RETREG2: variants seen among roughly 807,000 people sequenced by gnomAD.
The protein encoded by RETREG2 is reticulophagy regulator family member 2.
A neutral mutation model predicts 51.6 loss-of-function variants in RETREG2; 21 were observed. The observed-to-expected ratio is 0.41, with a 90% CI of 0.29 to 0.59. The LOEUF is 0.59. RETREG2 is among the 20% of genes least tolerant of loss of function. The pLI, the probability that RETREG2 is intolerant of heterozygous loss-of-function variation, is 0.34. For missense variants in RETREG2, 674 were observed against 646.0 expected, an observed-to-expected ratio of 1.04 and a Z score of -0.47; for synonymous variants, 339 against 288.6, an observed-to-expected ratio of 1.17 and a Z score of -1.77.
chr2:219,184,736 T>C lies in RETREG2; in HGVS notation c.*2107T>C, dbSNP rs1950326105. Reference sequence around the variant, plus strand: ...CATTGACAATAGAACCAGAAGCTTGTAGCTGGATCAAAATATTCTCCATAG... The same window carrying C: ...CATTGACAATAGAACCAGAAGCTTGCAGCTGGATCAAAATATTCTCCATAG... On this transcript the variant is annotated 3_prime_UTR_variant, in exon 9 of 9. Coordinates refer to ENST00000430297, the MANE Select transcript of RETREG2 (RefSeq NM_024293.6). 1 of 152,114 alleles carries C rather than the reference T, an allele frequency of 6.6e-6. No homozygotes were observed. Among genetic ancestry groups the C allele is most frequent in the African/African-American group, 2.4e-5 (1 of 41,440 alleles). 9.4% of individuals were successfully genotyped at this position (152,114 alleles called of 1,614,324 possible).
chr2:219,183,231 T>A lies in RETREG2; in HGVS notation c.*602T>A, dbSNP rs1950308636. The A allele has an allele frequency of 6.4e-6, 1 of 157,146 alleles. No homozygotes were observed. Among genetic ancestry groups the A allele is most frequent in the Admixed American group, 6.1e-5 (1 of 16,468 alleles). 9.7% of individuals were successfully genotyped at this position (157,146 alleles called of 1,614,324 possible). A position where few individuals can be genotyped will look rare whatever the true frequency, so the allele number is the denominator to read the frequency against. On this transcript the variant is annotated 3_prime_UTR_variant, in exon 9 of 9. Transcript: ENST00000430297. ...TGGGTCAGGCCAGTAGTTACACTCT[T>A]AGGTCACTGTAGTCTGTGTAACCTT...
chr2:219,180,944 G>T, intron 5 of RETREG2, 118 bp from the exon 6 acceptor site: 1 of 1,456,884 alleles, frequency 6.9e-7, no homozygotes, highest in Non-Finnish European at 9.4e-7. Flanking sequence ...AGAAGAGGTT[G>T]GCACAGCCTT....
Position 219,182,115 on chromosome 2 carries a change from G to A in RETREG2, c.1118G>A (p.Gly373Asp). The A allele has an allele frequency of 6.2e-7, 1 of 1,614,154 alleles. No individual in the cohort carries two copies. ...CTGGCCCCTCCCGAAGACCTACTAG[G>A]CCGTCCTCAAGCTCTGTCAAGGCAA... ...GELAPPEDLL[G>D]RPQALSRQAL... The change falls in exon 9 of 9, where the codon GGC (glycine) becomes GAC (aspartate). Residue 373 changes from glycine (G) to aspartate (D), a missense_variant. By Grantham distance (94) the Gly-to-Asp change is moderately conservative. Coordinates refer to ENST00000430297, the MANE Select transcript of RETREG2 (RefSeq NM_024293.6).
At chr2:219,179,918 T>TGCGTGCCTGCTCC (rs1950252812) in intron 3 of RETREG2, 155 bp downstream of exon 3, 20 of 1,126,046 alleles carry the variant, frequency 1.8e-5, no homozygotes, top group Non-Finnish European at 2.7e-5. Flanking sequence ...TGTAGGTGTT[T>TGCGTGCCTGCTCC]GCGTGCCTGC....
In RETREG2 at chr2:219,181,286, ATCT is replaced by A. The variant is rs1489049799; in HGVS notation, c.785-79_785-77del. 9.3e-6 allele frequency: 15 copies of A among 1,606,582 alleles called. No individual in the cohort carries two copies. The Admixed American group carries it at 2.0e-4, about 21-fold the overall frequency. Reference sequence around the variant, plus strand: ...GTTCATGAGATGCCCTGGAATTGAGATCTTCTCCAGTTCTTTAGCTGTGTTTGT... The same window carrying A: ...GTTCATGAGATGCCCTGGAATTGAGATCTCCAGTTCTTTAGCTGTGTTTGT... On this transcript the variant is annotated intron_variant, in intron 6 of 8. Transcript: ENST00000430297.
In RETREG2 at chr2:219,182,317, T is replaced by C. The variant is rs1172238233; in HGVS notation, c.1320T>C (p.Gly440=). 5 of 1,614,010 alleles carry C rather than the reference T, an allele frequency of 3.1e-6. No homozygotes were observed. Among genetic ancestry groups the C allele is most frequent in the Non-Finnish European group, 4.2e-6 (5 of 1,179,964 alleles). ...CACTGAGCCCCGAGACAGTGAGTGG[T>C]GGCCTCACTGCTCTGCCCGGCACCC... The part of the protein sequence containing the change: ...VETLSPETVS[G]GLTALPGTLS... Residue 440 remains glycine, a synonymous_variant, in exon 9 of 9, where the codon GGT becomes GGC. Transcript: ENST00000430297.
intron 4 of RETREG2, 149 bp downstream of exon 4, chr2:219,180,394 C>A: frequency 8.9e-7 from 1 of 1,120,214 alleles, no homozygotes; most frequent in Non-Finnish European, 1.3e-6. Flanking sequence ...CACAGCTAAT[C>A]CCTGGTGCAG....
In RETREG2 at chr2:219,181,458, C is replaced by A. The variant is rs1479182710; in HGVS notation, c.874C>A (p.Pro292Thr). Residue 292 changes from proline (P) to threonine (T), a missense_variant, in exon 7 of 9, where the codon CCA (proline) becomes ACA (threonine). Transcript: ENST00000430297. ...CGAGGCAGAGCTGGCTGGCTTCTCC[C>A]CAGTGGTGAGGTCCAGGGAAAGCGG... ...ESEAELAGFSPVVDVKKTALA... is the reference protein window; with the variant it reads ...ESEAELAGFSTVVDVKKTALA... The A allele has an allele frequency of 1.9e-6, 3 of 1,613,984 alleles. No homozygotes were observed. The highest frequency in any genetic ancestry group is 2.5e-6 in the Non-Finnish European group (3 of 1,179,956).
rs752874791 is a variant in RETREG2, at chr2:219,181,195, C to A, written c.774C>A (p.His258Gln). The A allele has an allele frequency of 1.2e-6, 2 of 1,613,894 alleles. No homozygotes were observed. The highest frequency in any genetic ancestry group is 2.7e-5 in the African/African-American group (2 of 74,906). Reference sequence around the variant, plus strand: ...AAGCCAATGCCCTGCATCACAAACACGACAAGAGGAGTAAGGGGCTGCCCT... The same window carrying A: ...AAGCCAATGCCCTGCATCACAAACAAGACAAGAGGAGTAAGGGGCTGCCCT... ...KAEANALHHKHDKRKRQGKNA... is the reference protein window; with the variant it reads ...KAEANALHHKQDKRKRQGKNA... The change falls in exon 6 of 9, where the codon CAC (histidine) becomes CAA (glutamine). Residue 258 changes from histidine (H) to glutamine (Q), a missense_variant. Transcript: ENST00000430297.
Position 219,182,317 on chromosome 2 carries a change from T to A in RETREG2, c.1320T>A (p.Gly440=). 6.2e-7 allele frequency: 1 copy of A among 1,614,010 alleles called. No individual in the cohort carries two copies. The highest frequency in any genetic ancestry group is 8.5e-7 in the Non-Finnish European group (1 of 1,179,964). ...VETLSPETVS[G]GLTALPGTLS... is the part of the protein sequence containing the mutation. ...CACTGAGCCCCGAGACAGTGAGTGG[T>A]GGCCTCACTGCTCTGCCCGGCACCC... The change falls in exon 9 of 9, where the codon GGT becomes GGA. Residue 440 remains glycine, a synonymous_variant. Transcript: ENST00000430297.
Position 219,182,399 on chromosome 2 carries a change from C to A in RETREG2, c.1402C>A (p.Pro468Thr). ...SDPAPSPSILPPVPQDSPQPL... is the reference protein window; with the variant it reads ...SDPAPSPSILTPVPQDSPQPL... ...CCCAGCCCCCTCCCCTTCCATTCTCCCACCTGTTCCCCAGGACTCACCCCA... is the reference window on the plus strand; with the variant it reads ...CCCAGCCCCCTCCCCTTCCATTCTCACACCTGTTCCCCAGGACTCACCCCA... The change falls in exon 9 of 9, where the codon CCA (proline) becomes ACA (threonine). Residue 468 changes from proline (P) to threonine (T), a missense_variant. Pro to Thr is a conservative substitution (Grantham distance 38, BLOSUM62 -1). Coordinates refer to ENST00000430297, the MANE Select transcript of RETREG2 (RefSeq NM_024293.6). 1 of 1,614,112 alleles carries A rather than the reference C, an allele frequency of 6.2e-7. No individual in the cohort carries two copies. Among genetic ancestry groups the A allele is most frequent in the Non-Finnish European group, 8.5e-7 (1 of 1,180,006 alleles).
chr2:219,181,484 G>A, intron 7 of RETREG2, 21 bp downstream of exon 7: 1 of 1,613,042 alleles, frequency 6.2e-7, no homozygotes, highest in Non-Finnish European at 8.5e-7. Context: ...GGGAAAGCGG[G>A]GGTGTCAAAT....
At position 219,183,852 on chromosome 2, in the gene RETREG2, G is replaced by C. The variant is rs551064400; in HGVS notation, c.*1223G>C. 1 of 152,300 alleles carries C rather than the reference G, an allele frequency of 6.6e-6. No individual in the cohort carries two copies. Among genetic ancestry groups the C allele is most frequent in the African/African-American group, 2.4e-5 (1 of 41,552 alleles). 9.4% of individuals were successfully genotyped at this position (152,300 alleles called of 1,614,324 possible). ...CATCTACATGCTAACAACTCACTCAGCCTGGATTTATCTTTACTGGGGAAG... is the reference window on the plus strand; with the variant it reads ...CATCTACATGCTAACAACTCACTCACCCTGGATTTATCTTTACTGGGGAAG... On this transcript the variant is annotated 3_prime_UTR_variant, in exon 9 of 9. Coordinates refer to ENST00000430297, the MANE Select transcript of RETREG2 (RefSeq NM_024293.6).
At position 219,182,082 on chromosome 2, in the gene RETREG2, A is replaced by T; in HGVS notation, c.1085A>T (p.Glu362Val). The T allele has an allele frequency of 6.2e-7, 1 of 1,614,104 alleles. No homozygotes were observed. Among genetic ancestry groups the T allele is most frequent in the Non-Finnish European group, 8.5e-7 (1 of 1,179,996 alleles). The change falls in exon 9 of 9, where the codon GAG (glutamate) becomes GTG (valine). Residue 362 changes from glutamate (E) to valine (V), a missense_variant. Glu to Val is a moderately radical substitution (Grantham distance 121). Transcript: ENST00000430297. ...TLSRDLGEGE[E>V]GELAPPEDLL... ...AGCCGGGACCTAGGGGAGGGAGAGG[A>T]GGGAGAGCTGGCCCCTCCCGAAGAC...
At position 219,182,743 on chromosome 2, in the gene RETREG2, G is replaced by A; in HGVS notation, c.*114G>A. On this transcript the variant is annotated 3_prime_UTR_variant, in exon 9 of 9. Coordinates refer to ENST00000430297, the MANE Select transcript of RETREG2 (RefSeq NM_024293.6). Reference sequence around the variant, plus strand: ...GGGGCAGTGTGTGGGGAAGCTGGCTGTCGGATGGTAGCTATTCCACCCTCT... The same window carrying A: ...GGGGCAGTGTGTGGGGAAGCTGGCTATCGGATGGTAGCTATTCCACCCTCT... 2.3e-6 allele frequency: 3 copies of A among 1,302,684 alleles called. No individual in the cohort carries two copies. The highest frequency in any genetic ancestry group is 4.4e-5 in the Admixed American group (2 of 45,734). 80.7% of individuals were successfully genotyped at this position (1,302,684 alleles called of 1,614,324 possible). A position where few individuals can be genotyped will look rare whatever the true frequency, so the allele number is the denominator to read the frequency against.
At chr2:219,179,103 G>C (rs1425547353) in intron 2 of RETREG2, 75 bp downstream of exon 2, 5 of 1,134,786 alleles carry the variant, frequency 4.4e-6, no homozygotes, top group Non-Finnish European at 6.7e-6. Flanking sequence ...GGGGTTAAGT[G>C]GCGAGGGGAA....
chr2:219,180,518 T>G, intron 4 of RETREG2, 152 bp from the exon 5 acceptor site: 1 of 1,318,724 alleles, frequency 7.6e-7, no homozygotes. Context: ...CTTCCTGAAT[T>G]GGTGGTCTTG....
chr2:219,180,014 T>C (rs1264900938), intron 3 of RETREG2, 96 bp from the exon 4 acceptor site: 2 of 1,530,766 alleles, frequency 1.3e-6, no homozygotes, highest in Non-Finnish European at 1.8e-6. Context: ...TCATTTGCTT[T>C]TTTAGACTAA....
chr2:219,179,682 T>C, intron 2 of RETREG2, 51 bp from the exon 3 acceptor site: 1 of 1,574,980 alleles, frequency 6.3e-7, no homozygotes, highest in Non-Finnish European at 8.7e-7. Flanking sequence ...TTGGGGAGTG[T>C]CTCCCAGGGC....
Sources: allele counts gnomAD v4.1 joint callset, GRCh38; gene constraint gnomAD v4.1.1; transcripts MANE v1.5; gene names NCBI Gene and HGNC (gene_info 2026-07-23, HGNC 2026-07-21).